The following SIPA1L1 variants were observed in gnomAD, a reference collection of about 807,000 sequenced individuals.
The protein encoded by SIPA1L1 is signal-induced proliferation-associated 1-like protein 1.
A neutral mutation model predicts 162.7 loss-of-function variants in SIPA1L1; 26 were observed. The ratio of observed to expected loss-of-function variants is 0.16; its 90% confidence interval spans 0.12 to 0.22. The LOEUF (loss-of-function observed/expected upper bound fraction) is 0.22. Ranked by LOEUF, SIPA1L1 falls within the 10% of genes least tolerant of loss-of-function variation. The probability of loss-of-function intolerance (pLI) is 1.00; values close to 1 mark genes in which losing one functional copy is unlikely to be tolerated. For synonymous variants in SIPA1L1, 829 were observed against 837.4 expected (o/e 0.99, Z 0.17); for missense variants, 1,874 against 2,241.0 (o/e 0.84, Z 3.31).
At chr14:71,691,411 G>A (rs1052396583) in intron 13 of SIPA1L1, among the ~76,000 whole-genome samples, 1 of 152,108 alleles carries the variant, frequency 6.6e-6, no homozygotes, top group Non-Finnish European at 1.5e-5. Flanking sequence ...GGGCAACATA[G>A]TGAGACCCCG....
intron 14 of SIPA1L1, among the ~76,000 whole-genome samples, chr14:71,701,320 A>C (rs1161308839): frequency 6.6e-6 from 1 of 151,954 alleles, no homozygotes; most frequent in Non-Finnish European, 1.5e-5. Context: ...GGCCCATCTC[A>C]AGCCATCCTC....
chr14:71,642,058 C>T (rs2041767508), intron 7 of SIPA1L1, among the ~76,000 whole-genome samples: 1 of 152,200 alleles, frequency 6.6e-6, no homozygotes, highest in South Asian at 2.1e-4. Flanking sequence ...CAAATTTCTG[C>T]TTCTTGCTAA....
At chr14:71,361,670 C>T (rs1163829820) in intron 2 of SIPA1L1, among the ~76,000 whole-genome samples, 2 of 152,090 alleles carry the variant, frequency 1.3e-5, no homozygotes, top group African/African-American at 4.8e-5. Flanking sequence ...AAAAAAGCCT[C>T]CTGAGACCTT....
At position 71,593,256 on chromosome 14, in the gene SIPA1L1, C is replaced by T. The variant is rs184678668; in HGVS notation, c.1498+3886C>T. Among the ~76,000 whole-genome samples, 534 of 152,070 alleles carry T rather than the reference C, an allele frequency of 3.5e-3. 4 individuals carry two copies. The highest frequency in any genetic ancestry group is 0.012 in the African/African-American group (504 of 41,482). ...AGACAGAGTCTCACTCTCTCACCTA[C>T]GCTGGAGTTCAGTGGCACGATCTCC... On this transcript the variant is annotated intron_variant, in intron 5 of 23. Transcript: ENST00000381232.
At chr14:71,350,303 G>A (rs1445061659) in intron 2 of SIPA1L1, among the ~76,000 whole-genome samples, 1 of 152,072 alleles carries the variant, frequency 6.6e-6, no homozygotes, top group Non-Finnish European at 1.5e-5. Flanking sequence ...AGCTACTCGG[G>A]TGGCTGAGGC....
In SIPA1L1 at chr14:71,709,263, C is replaced by A. The variant is rs1366864410; in HGVS notation, c.3807C>A (p.Leu1269=). The A allele has an allele frequency of 1.2e-6, 2 of 1,614,208 alleles. No homozygotes were observed. Among genetic ancestry groups the A allele is most frequent in the South Asian group, 1.1e-5 (1 of 91,086 alleles). Residue 1269 remains leucine, a synonymous_variant, in exon 17 of 24, where the codon CTC becomes CTA. Coordinates refer to ENST00000381232, the MANE Select transcript of SIPA1L1 (RefSeq NM_001386936.1). ...HYSSHSSSNT[L]SSNASSAHSD... ...CGAGCCACTCCAGTAGCAATACTCT[C>A]TCCAGCAATGCGTCAAGTGCCCATA... is the stretch of plus-strand genomic sequence containing the variant.
intron 3 of SIPA1L1, among the ~76,000 whole-genome samples, chr14:71,517,669 C>G (rs1380005029): frequency 6.6e-6 from 1 of 152,186 alleles, no homozygotes; most frequent in Non-Finnish European, 1.5e-5. Flanking sequence ...CATTGCCCCA[C>G]AGCTTTGCCA....
intron 2 of SIPA1L1, among the ~76,000 whole-genome samples, chr14:71,391,819 A>C (rs1414484056): frequency 2.0e-5 from 3 of 152,218 alleles, no homozygotes; most frequent in Admixed American, 2.0e-4. Flanking sequence ...GGAGGACCGT[A>C]GCAAGTGATT....
At chr14:71,445,928 A>G (rs2045309747) in intron 2 of SIPA1L1, among the ~76,000 whole-genome samples, 4 of 152,142 alleles carry the variant, frequency 2.6e-5, no homozygotes, top group Admixed American at 2.0e-4. Flanking sequence ...AGCTCACTGT[A>G]GCCATGACCT....
intron 4 of SIPA1L1, among the ~76,000 whole-genome samples, chr14:71,563,338 A>G (rs1210915616): frequency 1.3e-5 from 2 of 151,862 alleles, no homozygotes; most frequent in Non-Finnish European, 2.9e-5. Flanking sequence ...ATTTTGTTAA[A>G]TATCTTCTTT....
intron 21 of SIPA1L1, 145 bp downstream of exon 21, chr14:71,733,957 G>A: frequency 1.2e-6 from 1 of 833,532 alleles, no homozygotes; most frequent in Non-Finnish European, 1.8e-6. Flanking sequence ...GTAGGGACCA[G>A]ACCCTAAGCT....
intron 2 of SIPA1L1, among the ~76,000 whole-genome samples, chr14:71,408,266 T>A (rs556968593): frequency 1.3e-5 from 2 of 152,358 alleles, no homozygotes; most frequent in South Asian, 4.1e-4. Flanking sequence ...TGGTCTTTGC[T>A]ACAGAGAAGC....
intron 3 of SIPA1L1, among the ~76,000 whole-genome samples, chr14:71,513,721 G>T (rs957869251): frequency 6.6e-6 from 1 of 152,040 alleles, no homozygotes; most frequent in Admixed American, 6.6e-5. Flanking sequence ...TCAAACACCC[G>T]AGCTCTAGTG....
At chr14:71,348,717 T>C (rs746808560) in intron 2 of SIPA1L1, among the ~76,000 whole-genome samples, 2 of 152,238 alleles carry the variant, frequency 1.3e-5, no homozygotes, top group Admixed American at 1.3e-4. Flanking sequence ...AACCCACTGT[T>C]TAATTTTAAC....
At chr14:71,320,714 G>C (rs1311995475) in intron 1 of SIPA1L1, among the ~76,000 whole-genome samples, 3 of 118,606 alleles carry the variant, frequency 2.5e-5, no homozygotes, top group Non-Finnish European at 3.4e-5. Flanking sequence ...CCCCCCCCCG[G>C]CAACCTCGCG....
chr14:71,646,277 C>T (rs962410297), intron 7 of SIPA1L1, among the ~76,000 whole-genome samples: 3 of 151,480 alleles, frequency 2.0e-5, no homozygotes, highest in Non-Finnish European at 2.9e-5. Flanking sequence ...CCCGGGTTCA[C>T]GCCATTCTCC....
At chr14:71,412,294 T>G (rs745941097) in intron 2 of SIPA1L1, among the ~76,000 whole-genome samples, 1 of 152,238 alleles carries the variant, frequency 6.6e-6, no homozygotes, top group Non-Finnish European at 1.5e-5. Context: ...TAAAACATTA[T>G]GAGACTTTAT....
intron 4 of SIPA1L1, among the ~76,000 whole-genome samples, chr14:71,561,880 C>T (rs1337404572): frequency 2.0e-5 from 3 of 152,202 alleles, no homozygotes; most frequent in African/African-American, 4.8e-5. Context: ...AGCCACCATG[C>T]CCGGCCCAGG....
chr14:71,345,341 A>T (rs747611428), intron 2 of SIPA1L1, among the ~76,000 whole-genome samples: 14 of 151,926 alleles, frequency 9.2e-5, no homozygotes, highest in Non-Finnish European at 2.1e-4. Flanking sequence ...GCTTTCCTAT[A>T]TGCAGTGCAC....
Sources: allele counts gnomAD v4.1 joint callset (sites outside exome capture counted in the v4.1 genomes callset), GRCh38; gene constraint gnomAD v4.1.1; transcripts MANE v1.5; gene names NCBI Gene and HGNC (gene_info 2026-07-23, HGNC 2026-07-21).